Variants in QTMAN observed in about 807,000 individuals in gnomAD.
QTMAN encodes tRNA-queuosine alpha-mannosyltransferase.
the QTMAN span, among the ~76,000 whole-genome samples, chr2:144,260,203 T>C: frequency 2.0e-5 from 3 of 152,168 alleles, no homozygotes; most frequent in East Asian, 1.9e-4. Context: ...ACTGTAATTC[T>C]TTTAATTTTC....
the QTMAN span, among the ~76,000 whole-genome samples, chr2:144,309,940 C>T: frequency 3.3e-5 from 5 of 152,144 alleles, no homozygotes; most frequent in African/African-American, 1.2e-4. Context: ...GTGCCAGAAA[C>T]GACTCCAAGT....
At chr2:144,202,478 A>C in the QTMAN span, among the ~76,000 whole-genome samples, 1 of 152,240 alleles carries the variant, frequency 6.6e-6, no homozygotes, top group African/African-American at 2.4e-5. Context: ...CAACTAGGTA[A>C]GAAGTGCTCT....
the QTMAN span, among the ~76,000 whole-genome samples, chr2:144,245,612 A>G: frequency 6.6e-6 from 1 of 152,228 alleles, no homozygotes; most frequent in Admixed American, 6.5e-5. Flanking sequence ...TTTTTCTTTA[A>G]CCAAATAGAA....
the QTMAN span, among the ~76,000 whole-genome samples, chr2:144,189,601 T>C: frequency 6.6e-6 from 1 of 152,094 alleles, no homozygotes; most frequent in Non-Finnish European, 1.5e-5. Flanking sequence ...CCTGGGAGAC[T>C]GCCTTCTCTT....
the QTMAN span, among the ~76,000 whole-genome samples, chr2:144,249,390 G>C: frequency 6.6e-6 from 1 of 152,162 alleles, no homozygotes; most frequent in Non-Finnish European, 1.5e-5. Context: ...TTTCAGAATA[G>C]ACCATGCATG....
At chr2:144,064,370 A>C in the QTMAN span, among the ~76,000 whole-genome samples, 6 of 152,186 alleles carry the variant, frequency 3.9e-5, no homozygotes, top group Admixed American at 1.3e-4. Flanking sequence ...ATCTGCATGG[A>C]AAGAATATTT....
chr2:144,016,521 G>T, the QTMAN span, among the ~76,000 whole-genome samples: 171 of 152,186 alleles, frequency 1.1e-3, 2 homozygotes, highest in African/African-American at 4.0e-3. Context: ...AATTTACCTT[G>T]TTCACAAGTG....
the QTMAN span, chr2:144,178,978 T>G: frequency 2.1e-6 from 1 of 469,308 alleles, no homozygotes; most frequent in South Asian, 1.6e-5. Context: ...AAACGAGAGT[T>G]AGAGAAACTC....
At chr2:144,078,205 CAA>C in the QTMAN span, among the ~76,000 whole-genome samples, 1 of 152,160 alleles carries the variant, frequency 6.6e-6, no homozygotes, top group Non-Finnish European at 1.5e-5. Context: ...TTCAGCAGTA[CAA>C]AGTCTGCAAA....
the QTMAN span, among the ~76,000 whole-genome samples, chr2:144,312,215 G>C: frequency 7.0e-6 from 1 of 143,450 alleles, no homozygotes; most frequent in Non-Finnish European, 1.5e-5. Context: ...AAAGACAAGA[G>C]TCTCACTATG....
At chr2:144,075,304 C>T in the QTMAN span, among the ~76,000 whole-genome samples, 107 of 152,290 alleles carry the variant, frequency 7.0e-4, 2 homozygotes, top group African/African-American at 2.4e-3. Flanking sequence ...GGTCGTAACA[C>T]GCACTCACAT....
chr2:144,038,200 C>T, the QTMAN span, among the ~76,000 whole-genome samples: 1 of 152,118 alleles, frequency 6.6e-6, no homozygotes, highest in Non-Finnish European at 1.5e-5. Flanking sequence ...CTGTGAATGT[C>T]CATATAAAAT....
the QTMAN span, among the ~76,000 whole-genome samples, chr2:144,262,931 AGGGAAGAGGGGAGGGGATAGG>A: frequency 1.6e-5 from 1 of 61,814 alleles, no homozygotes; most frequent in African/African-American, 6.8e-5. Flanking sequence ...GAGAGGGGAG[AGGGAAGAGGGGAGGGGATAGG>A]GGAAGGGAGG....
At chr2:144,220,760 G>C in the QTMAN span, among the ~76,000 whole-genome samples, 2 of 152,132 alleles carry the variant, frequency 1.3e-5, no homozygotes, top group Non-Finnish European at 1.5e-5. Flanking sequence ...TTAACAAACA[G>C]CCTGAATTAT....
At chr2:144,132,849 T>C in the QTMAN span, among the ~76,000 whole-genome samples, 2 of 151,388 alleles carry the variant, frequency 1.3e-5, no homozygotes, top group Admixed American at 1.3e-4. Flanking sequence ...TGCCAAAAAG[T>C]TGTAGGTTGT....
At chr2:144,281,696 T>C in the QTMAN span, among the ~76,000 whole-genome samples, 3 of 152,116 alleles carry the variant, frequency 2.0e-5, no homozygotes, top group Admixed American at 2.0e-4. Flanking sequence ...AGAGGAAATG[T>C]CCTTATGAGA....
chr2:144,285,822 G>C, the QTMAN span, among the ~76,000 whole-genome samples: 1 of 152,082 alleles, frequency 6.6e-6, no homozygotes, highest in African/African-American at 2.4e-5. Context: ...TAGATAATCA[G>C]GTAAAATGAT....
At chr2:143,995,968 G>A in the QTMAN span, among the ~76,000 whole-genome samples, 1 of 152,046 alleles carries the variant, frequency 6.6e-6, no homozygotes, top group South Asian at 2.1e-4. Flanking sequence ...CACTTACTCA[G>A]GCCAAAATCT....
At chr2:144,257,231 G>A in the QTMAN span, among the ~76,000 whole-genome samples, 1 of 151,774 alleles carries the variant, frequency 6.6e-6, no homozygotes, top group Non-Finnish European at 1.5e-5. Flanking sequence ...AATCCTGAGA[G>A]CCTATCTGCA....
Sources: allele counts gnomAD v4.1 joint callset (sites outside exome capture counted in the v4.1 genomes callset), GRCh38; gene constraint gnomAD v4.1.1; transcripts MANE v1.5; gene names NCBI Gene and HGNC (gene_info 2026-07-23, HGNC 2026-07-21).